Variants in CCND2 observed in about 807,000 individuals in gnomAD.
The protein encoded by CCND2 is G1/S-specific cyclin-D2.
A neutral mutation model predicts 30.2 loss-of-function variants in CCND2; 6 were observed. That is an observed-to-expected ratio of 0.20 (90% CI 0.11 to 0.39). The LOEUF (loss-of-function observed/expected upper bound fraction) is 0.39. CCND2 is among the 10% of genes least tolerant of loss of function. The pLI is 1.00. For synonymous variants in CCND2, 150 were observed against 153.1 expected (o/e 0.98, Z 0.15); for missense variants, 235 against 373.4 (o/e 0.63, Z 3.06).
intron 4 of CCND2, among the ~76,000 whole-genome samples, chr12:4,294,306 G>A (rs1864139002): frequency 6.6e-6 from 1 of 151,936 alleles, no homozygotes; most frequent in East Asian, 1.9e-4. Context: ...AAGGGAGGGG[G>A]CCTATCATCA....
chr12:4,274,479 G>A lies in CCND2; in HGVS notation c.195+244G>A, dbSNP rs963108530. 6.6e-6 allele frequency among the ~76,000 whole-genome samples: 1 copy of A among 152,218 alleles called. No individual in the cohort carries two copies. The highest frequency in any genetic ancestry group is 1.5e-5 in the Non-Finnish European group (1 of 68,032). On this transcript the variant is annotated intron_variant, in intron 1 of 4. Transcript: ENST00000261254. The surrounding 1 kb of genome is among the most constrained non-coding windows in gnomAD (Gnocchi z 7.7). Reference sequence around the variant, plus strand: ...GAGGCTGTCCTGGGCGGGGGTAGGGGAGCATCCCGCGCGCGTGTTCCTGCA... The same window carrying A: ...GAGGCTGTCCTGGGCGGGGGTAGGGAAGCATCCCGCGCGCGTGTTCCTGCA...
intron 4 of CCND2, among the ~76,000 whole-genome samples, chr12:4,291,412 G>T (rs1171687300): frequency 6.6e-6 from 1 of 152,136 alleles, no homozygotes; most frequent in African/African-American, 2.4e-5. Flanking sequence ...ACGAAGTGGT[G>T]TATTTCCTTC....
intron 3 of CCND2, among the ~76,000 whole-genome samples, chr12:4,280,182 G>A (rs922623816): frequency 4.6e-5 from 7 of 152,272 alleles, no homozygotes; most frequent in African/African-American, 1.7e-4. Context: ...ACGTGGACGT[G>A]CTTTGTAAAC....
At position 4,274,464 on chromosome 12, in the gene CCND2, T is replaced by C. The variant is rs1351316688; in HGVS notation, c.195+229T>C. 6.6e-6 allele frequency among the ~76,000 whole-genome samples: 1 copy of C among 152,072 alleles called. No individual in the cohort carries two copies. Among genetic ancestry groups the C allele is most frequent in the Non-Finnish European group, 1.5e-5 (1 of 67,988 alleles). On this transcript the variant is annotated intron_variant, in intron 1 of 4. Transcript: ENST00000261254. This position sits in a 1 kb window ranked among gnomAD's most constrained non-coding sequence, Gnocchi z 7.7. ...AAATCTGGGAGAAGCGAGGCTGTCC[T>C]GGGCGGGGGTAGGGGAGCATCCCGC...
intron 3 of CCND2, 113 bp from the exon 4 acceptor site, chr12:4,288,729 G>T (rs903115589): frequency 1.0e-6 from 1 of 973,396 alleles, no homozygotes; most frequent in Non-Finnish European, 1.6e-6. Context: ...AGGGCACGGG[G>T]TCACTCGCGC....
rs757205891 is a variant in CCND2 at position 4,301,061 on chromosome 12, C to G, written c.*1052C>G. 4 of 233,400 alleles carry G rather than the reference C, an allele frequency of 1.7e-5. No individual in the cohort carries two copies. The highest frequency in any genetic ancestry group is 3.4e-5 in the Non-Finnish European group (4 of 118,052). The allele number at this position is 233,400 out of a possible 1,614,324, so 14.5% of individuals were successfully genotyped here. On this transcript the variant is annotated 3_prime_UTR_variant, in exon 5 of 5. Transcript: ENST00000261254. Reference sequence around the variant, plus strand: ...TACTCCTCCCCTCTTCTCTTTTGCCCCCTCCCTTCCTGCCCCCAGTCTGGG... The same window carrying G: ...TACTCCTCCCCTCTTCTCTTTTGCCGCCTCCCTTCCTGCCCCCAGTCTGGG...
intron 4 of CCND2, among the ~76,000 whole-genome samples, chr12:4,296,704 G>A (rs1864174524): frequency 1.0e-5 from 1 of 98,098 alleles, no homozygotes. Flanking sequence ...TGCCTCTTGG[G>A]GAAAAAAAAA....
intron 4 of CCND2, among the ~76,000 whole-genome samples, chr12:4,298,255 C>A (rs1292013498): frequency 6.6e-6 from 1 of 152,198 alleles, no homozygotes; most frequent in Non-Finnish European, 1.5e-5. Context: ...GGTGATATTT[C>A]GTCTCTGCCT....
chr12:4,290,636 C>G (rs1234269092), intron 4 of CCND2, among the ~76,000 whole-genome samples: 3 of 151,520 alleles, frequency 2.0e-5, no homozygotes, highest in Admixed American at 2.0e-4. Context: ...GTTGATAGAC[C>G]TGCTCTGATG....
chr12:4,291,577 T>A (rs2120568916), intron 4 of CCND2, among the ~76,000 whole-genome samples: 1 of 152,136 alleles, frequency 6.6e-6, no homozygotes, highest in South Asian at 2.1e-4. Flanking sequence ...CCTAGCAAAT[T>A]AAGAACGTAA....
Position 4,299,817 on chromosome 12 carries a change from C to A in CCND2, c.721-43C>A. ...TTTTCTCCGTAGGATGCTCTATGTCCTGTTCCTCTTACTAACAACTCTGGT... is the reference window on the plus strand; with the variant it reads ...TTTTCTCCGTAGGATGCTCTATGTCATGTTCCTCTTACTAACAACTCTGGT... On this transcript the variant is annotated intron_variant, in intron 4 of 4. Transcript: ENST00000261254. This position sits in a 1 kb window ranked among gnomAD's most constrained non-coding sequence, Gnocchi z 5.2. 5 of 1,592,190 alleles carry A rather than the reference C, an allele frequency of 3.1e-6. No homozygotes were observed. The highest frequency in any genetic ancestry group is 4.3e-6 in the Non-Finnish European group (5 of 1,163,836).
chr12:4,274,943 C>T lies in CCND2; in HGVS notation c.195+708C>T, dbSNP rs1384504408. 2 of 152,542 alleles carry T rather than the reference C, an allele frequency of 1.3e-5. No individual in the cohort carries two copies. Among genetic ancestry groups the T allele is most frequent in the South Asian group, 2.1e-4 (1 of 4,830 alleles). The allele number at this position is 152,542 out of a possible 1,614,324, so 9.4% of individuals were successfully genotyped here. ...AGGCTGGGAAACGTCGCCCGCTTACCCTCGCACCCCATTATCCCGGCCACC... is the reference window on the plus strand; with the variant it reads ...AGGCTGGGAAACGTCGCCCGCTTACTCTCGCACCCCATTATCCCGGCCACC... On this transcript the variant is annotated intron_variant, in intron 1 of 4. Coordinates refer to ENST00000261254, the MANE Select transcript of CCND2 (RefSeq NM_001759.4). The surrounding 1 kb of genome is among the most constrained non-coding windows in gnomAD (Gnocchi z 7.7).
chr12:4,277,955 C>A (rs528317135), intron 2 of CCND2, among the ~76,000 whole-genome samples: 7 of 150,534 alleles, frequency 4.7e-5, no homozygotes, highest in South Asian at 2.1e-4. Context: ...AAACAAGGTT[C>A]TTTTTCAGGT....
At chr12:4,286,253 C>T (rs1308895209) in intron 3 of CCND2, among the ~76,000 whole-genome samples, 2 of 152,154 alleles carry the variant, frequency 1.3e-5, no homozygotes, top group Non-Finnish European at 2.9e-5. Context: ...TGGTCACGAC[C>T]CACAAATGCA....
Position 4,274,632 on chromosome 12 carries a change from C to G in CCND2, c.195+397C>G, listed in dbSNP as rs994678336. ...GACCCCGAGTAGAAAGGCAACCCCCCCCAAAAGGCCAGAGCAAATTCGTCT... is the reference window on the plus strand; with the variant it reads ...GACCCCGAGTAGAAAGGCAACCCCCGCCAAAAGGCCAGAGCAAATTCGTCT... On this transcript the variant is annotated intron_variant, in intron 1 of 4. Transcript: ENST00000261254. This position sits in a 1 kb window ranked among gnomAD's most constrained non-coding sequence, Gnocchi z 7.7. 3.3e-5 allele frequency among the ~76,000 whole-genome samples: 5 copies of G among 152,194 alleles called. No homozygotes were observed. Among genetic ancestry groups the G allele is most frequent in the Non-Finnish European group, 4.4e-5 (3 of 68,026 alleles).
At chr12:4,283,156 A>G (rs1863973433) in intron 3 of CCND2, among the ~76,000 whole-genome samples, 1 of 152,226 alleles carries the variant, frequency 6.6e-6, no homozygotes, top group South Asian at 2.1e-4. Flanking sequence ...AATCCTACCA[A>G]GAAGTGCAGA....
Position 4,300,336 on chromosome 12 carries a change from G to C in CCND2, c.*327G>C, listed in dbSNP as rs768111886. The C allele has an allele frequency of 3.5e-6, 1 of 284,728 alleles. No homozygotes were observed. The highest frequency in any genetic ancestry group is 6.7e-6 in the Non-Finnish European group (1 of 150,280). 17.6% of individuals were successfully genotyped at this position (284,728 alleles called of 1,614,324 possible). ...AGAGAATATGTATGCCTGCAATATG[G>C]GAACAAATTAGAGGAGACTTTTTTT... On this transcript the variant is annotated 3_prime_UTR_variant, in exon 5 of 5. Coordinates refer to ENST00000261254, the MANE Select transcript of CCND2 (RefSeq NM_001759.4).
chr12:4,289,158 C>T, intron 4 of CCND2, 168 bp downstream of exon 4: 1 of 278,310 alleles, frequency 3.6e-6, no homozygotes, highest in Non-Finnish European at 6.1e-6. Context: ...TCTTAAGGTT[C>T]TGAAAAGCTG....
chr12:4,283,187 G>A (rs528153115), intron 3 of CCND2, among the ~76,000 whole-genome samples: 2 of 152,334 alleles, frequency 1.3e-5, no homozygotes, highest in South Asian at 4.1e-4. Context: ...ATGAAATGGA[G>A]CACTTCTCAG....
Sources: allele counts gnomAD v4.1 joint callset (sites outside exome capture counted in the v4.1 genomes callset), GRCh38; gene constraint gnomAD v4.1.1; non-coding constraint Gnocchi (gnomAD v3.1); transcripts MANE v1.5; gene names NCBI Gene and HGNC (gene_info 2026-07-23, HGNC 2026-07-21).